SEMA3A: variants seen among roughly 807,000 people sequenced by gnomAD.
SEMA3A encodes the protein semaphorin-3A.
Under a neutral mutation model 97.9 loss-of-function variants are expected in SEMA3A, and 29 were observed. The ratio of observed to expected loss-of-function variants is 0.30; its 90% confidence interval spans 0.22 to 0.40. SEMA3A has a LOEUF of 0.40. Ranked by LOEUF, SEMA3A falls within the 10% of genes least tolerant of loss-of-function variation. The pLI is 1.00. For synonymous variants in SEMA3A, 321 were observed against 323.7 expected, an observed-to-expected ratio of 0.99 and a Z score of 0.09; for missense variants, 763 against 951.3, an observed-to-expected ratio of 0.80 and a Z score of 2.60.
chr7:84,399,567 G>A (rs1803840818), intron 1 of SEMA3A, among the ~76,000 whole-genome samples: 1 of 152,076 alleles, frequency 6.6e-6, no homozygotes, highest in Non-Finnish European at 1.5e-5. Flanking sequence ...TCCTCCAACT[G>A]AATATCAGCC....
chr7:84,162,574 A>C, intron 1 of SEMA3A, among the ~76,000 whole-genome samples: 1 of 152,126 alleles, frequency 6.6e-6, no homozygotes, highest in East Asian at 1.9e-4. Flanking sequence ...CTTTTGGCTC[A>C]TATCCTCAAT....
At chr7:84,232,416 T>C (rs1799136448) in intron 3 of SEMA3A, among the ~76,000 whole-genome samples, 1 of 150,914 alleles carries the variant, frequency 6.6e-6, no homozygotes, top group South Asian at 2.1e-4. Flanking sequence ...TGTGATAGAT[T>C]GTTTAATCTC....
At chr7:84,135,041 C>A in intron 1 of SEMA3A, 90 bp from the exon 2 acceptor site, 1 of 951,888 alleles carries the variant, frequency 1.1e-6, no homozygotes, top group Non-Finnish European at 1.6e-6. Context: ...ACTATATTGA[C>A]TGCTGTAGTT....
chr7:84,241,170 G>A (rs1799354509), intron 3 of SEMA3A, among the ~76,000 whole-genome samples: 3 of 152,102 alleles, frequency 2.0e-5, no homozygotes. Flanking sequence ...ACATCCTTGA[G>A]GAATCACCAT....
At chr7:84,142,917 CT>C (rs1157691100) in intron 1 of SEMA3A, among the ~76,000 whole-genome samples, 4 of 152,168 alleles carry the variant, frequency 2.6e-5, no homozygotes, top group Non-Finnish European at 4.4e-5. Flanking sequence ...CATCAACTTT[CT>C]GTGTGTTTTA....
intron 4 of SEMA3A, among the ~76,000 whole-genome samples, chr7:84,077,476 T>C (rs764157558): frequency 6.6e-6 from 1 of 152,038 alleles, no homozygotes; most frequent in Non-Finnish European, 1.5e-5. Flanking sequence ...GTAAAAAGAA[T>C]TGGAATCTAG....
intron 3 of SEMA3A, chr7:84,306,272 A>G (rs1295323149): frequency 6.6e-6 from 1 of 151,980 alleles, no homozygotes; most frequent in Non-Finnish European, 1.5e-5. Context: ...GGAAAAATGT[A>G]TCAGTTCACA....
At chr7:84,386,380 C>T (rs1256069519) in intron 1 of SEMA3A, among the ~76,000 whole-genome samples, 1 of 152,078 alleles carries the variant, frequency 6.6e-6, no homozygotes, top group African/African-American at 2.4e-5. Flanking sequence ...ACAAGGCCTC[C>T]TAGTAACCAC....
At chr7:84,379,824 A>G (rs1374439721) in intron 1 of SEMA3A, among the ~76,000 whole-genome samples, 1 of 152,236 alleles carries the variant, frequency 6.6e-6, no homozygotes, top group Non-Finnish European at 1.5e-5. Flanking sequence ...GTTACTGCTT[A>G]CAGTATTTTT....
intron 1 of SEMA3A, among the ~76,000 whole-genome samples, chr7:84,443,886 T>A (rs946352993): frequency 1.0e-4 from 11 of 107,932 alleles, no homozygotes; most frequent in Admixed American, 1.0e-4. Context: ...TGTCCTTTTT[T>A]TTTTTTTTTT....
At chr7:84,087,504 C>T (rs1392079124) in intron 4 of SEMA3A, among the ~76,000 whole-genome samples, 1 of 151,934 alleles carries the variant, frequency 6.6e-6, no homozygotes, top group African/African-American at 2.4e-5. Flanking sequence ...TAGGGAAGAT[C>T]GGCATTAAAC....
At chr7:84,071,107 T>G (rs548153162) in intron 4 of SEMA3A, among the ~76,000 whole-genome samples, 1 of 152,280 alleles carries the variant, frequency 6.6e-6, no homozygotes, top group East Asian at 1.9e-4. Flanking sequence ...TGTGCAATAC[T>G]ACAGTCACAC....
At chr7:84,330,030 C>CT (rs2115944358) in intron 2 of SEMA3A, among the ~76,000 whole-genome samples, 1 of 152,152 alleles carries the variant, frequency 6.6e-6, no homozygotes, top group East Asian at 1.9e-4. Flanking sequence ...ATTCCCCACA[C>CT]TTTTACCTAA....
At chr7:84,066,644 C>T (rs1399220448) in intron 4 of SEMA3A, among the ~76,000 whole-genome samples, 1 of 149,700 alleles carries the variant, frequency 6.7e-6, no homozygotes, top group Non-Finnish European at 1.5e-5. Context: ...AACAGAGAGC[C>T]AAATCATGAG....
At chr7:84,358,838 G>A (rs1462173109) in intron 2 of SEMA3A, among the ~76,000 whole-genome samples, 1 of 152,100 alleles carries the variant, frequency 6.6e-6, no homozygotes, top group Non-Finnish European at 1.5e-5. Flanking sequence ...AGTTCTCCTT[G>A]AAGAGGTCCT....
intron 1 of SEMA3A, among the ~76,000 whole-genome samples, chr7:84,464,091 C>CA (rs1019573903): frequency 2.6e-5 from 4 of 151,936 alleles, no homozygotes; most frequent in African/African-American, 9.7e-5. Context: ...TCTTTAAACT[C>CA]AAAAAAATGT....
At chr7:84,369,166 A>C (rs1364596889) in intron 2 of SEMA3A, among the ~76,000 whole-genome samples, 1 of 151,084 alleles carries the variant, frequency 6.6e-6, no homozygotes, top group African/African-American at 2.4e-5. Flanking sequence ...AAAACTTCAA[A>C]CCAACTTAGA....
At chr7:84,284,019 G>A (rs1800520698) in intron 3 of SEMA3A, among the ~76,000 whole-genome samples, 1 of 152,074 alleles carries the variant, frequency 6.6e-6, no homozygotes, top group South Asian at 2.1e-4. Context: ...GGCAATAAAT[G>A]CTAAGTCGCA....
At chr7:84,253,498 T>C (rs1320333988) in intron 3 of SEMA3A, among the ~76,000 whole-genome samples, 3 of 152,212 alleles carry the variant, frequency 2.0e-5, no homozygotes, top group Non-Finnish European at 4.4e-5. Context: ...ATATATTTTA[T>C]GTTATATATT....
Sources: allele counts gnomAD v4.1 joint callset (sites outside exome capture counted in the v4.1 genomes callset), GRCh38; gene constraint gnomAD v4.1.1; transcripts MANE v1.5; gene names NCBI Gene and HGNC (gene_info 2026-07-23, HGNC 2026-07-21).